The following TPM1 variants were observed in gnomAD, a reference collection of about 807,000 sequenced individuals.
TPM1 encodes tropomyosin 1, also known as tropomyosin alpha-1 chain.
A neutral mutation model predicts 42.9 loss-of-function variants in TPM1; 24 were observed. The ratio of observed to expected loss-of-function variants is 0.56; its 90% CI spans 0.41 to 0.79. TPM1 has a LOEUF of 0.79. Ranked by LOEUF, TPM1 falls within the 30% of genes least tolerant of loss-of-function variation. TPM1 has a pLI of 0.00. For missense variants in TPM1, 158 were observed against 351.8 expected, an observed-to-expected ratio of 0.45 and a Z score of 4.41; for synonymous variants, 136 against 130.1, an observed-to-expected ratio of 1.05 and a Z score of -0.31.
At chr15:63,069,300 CAG>C (rs1030673809), downstream of TPM1, among the ~76,000 whole-genome samples, 2 of 152,124 alleles carry the variant, frequency 1.3e-5, no homozygotes, top group African/African-American at 4.8e-5. Flanking sequence ...GGGGGAAGGA[CAG>C]AGACTTAATT....
intron 8 of TPM1, chr15:63,062,859 G>A (rs1369881568): frequency 6.6e-7 from 1 of 1,522,324 alleles, no homozygotes; most frequent in Non-Finnish European, 8.8e-7. Context: ...AGCCATAGTG[G>A]CAAATGCCAT....
downstream of TPM1, chr15:63,069,767 G>A (rs540862491): frequency 1.4e-5 from 20 of 1,449,056 alleles, no homozygotes; most frequent in East Asian, 4.1e-4. Flanking sequence ...TTGCTGTCCT[G>A]CTTGAGGTCT....
At chr15:63,046,573 A>G (rs565823444) in intron 2 of TPM1, 1 of 152,544 alleles carries the variant, frequency 6.6e-6, no homozygotes, top group East Asian at 1.9e-4. Flanking sequence ...ATTCAGGAGT[A>G]GTATCCCTGA....
intron 2 of TPM1, chr15:63,048,728 C>A: frequency 6.5e-7 from 1 of 1,530,908 alleles, no homozygotes; most frequent in East Asian, 2.5e-5. Context: ...CACCCATCAC[C>A]CCGCAGCCCC....
chr15:63,065,183 T>C, intron 9 of TPM1: 1 of 985,592 alleles, frequency 1.0e-6, no homozygotes, highest in Non-Finnish European at 1.2e-6. Flanking sequence ...GTAGGTAGTC[T>C]TGTTATCATG....
chr15:63,063,865 C>A, intron 8 of TPM1, 199 bp from the exon 9 acceptor site: 1 of 627,200 alleles, frequency 1.6e-6, no homozygotes, highest in Non-Finnish European at 2.7e-6. Flanking sequence ...GGGTTTTGTT[C>A]TCTTTGTTTT....
chr15:63,045,172 T>C (rs1246905440), intron 2 of TPM1: 5 of 152,074 alleles, frequency 3.3e-5, no homozygotes, highest in Non-Finnish European at 5.9e-5. Context: ...CAGCAGACTT[T>C]TTTATATGAA....
chr15:63,066,026 G>C lies in TPM1; in HGVS notation c.*127G>C. 1.3e-6 allele frequency: 2 copies of C among 1,550,282 alleles called. No individual in the cohort carries two copies. Among genetic ancestry groups the C allele is most frequent in the Non-Finnish European group, 1.7e-6 (2 of 1,148,640 alleles). On this transcript the variant is annotated 3_prime_UTR_variant, in exon 10 of 10. Transcript: ENST00000403994. ...TCTTAGCATCCTGCCTTAGAGCCAG[G>C]CACACACTGTGCTTTCTATTGTACA...
chr15:63,064,904 T>C (rs928579355), intron 9 of TPM1: 4 of 763,334 alleles, frequency 5.2e-6, no homozygotes, highest in Non-Finnish European at 6.4e-6. Context: ...GAGGTGGAGC[T>C]TGCAGTCAGC....
intron 2 of TPM1, chr15:63,048,646 C>A (rs1384631718): frequency 2.6e-6 from 4 of 1,538,708 alleles, no homozygotes; most frequent in Non-Finnish European, 3.5e-6. Context: ...GCGGACGCCG[C>A]TGAGGAGCGC....
In TPM1 at chr15:63,062,148, T is replaced by C; in HGVS notation, c.640-67T>C. 4.8e-6 allele frequency: 7 copies of C among 1,471,372 alleles called. 1 individual carries two copies. In the South Asian group the frequency reaches 7.9e-5, roughly 17 times the overall value. The allele number at this position is 1,471,372 out of a possible 1,614,324, so 91.1% of individuals were successfully genotyped here. A position where few individuals can be genotyped will look rare whatever the true frequency, so the allele number is the denominator to read the frequency against. On this transcript the variant is annotated intron_variant, in intron 6 of 9. Transcript: ENST00000403994. ...ATCTGTTGGCTGAGCTGGCGAGTTC[T>C]TTGCATGAGAAGCCATGAGTAGATT...
chr15:63,059,181 A>G (rs2035250593), intron 3 of TPM1, among the ~76,000 whole-genome samples: 1 of 152,242 alleles, frequency 6.6e-6, no homozygotes, highest in African/African-American at 2.4e-5. Context: ...GTTCATGTGC[A>G]AGCTGAGGCT....
Position 63,065,988 on chromosome 15 carries a change from C to T in TPM1, c.*89C>T. On this transcript the variant is annotated 3_prime_UTR_variant, in exon 10 of 10. Transcript: ENST00000403994. ...CTGCATTTGTCTATTCTCCAGCTGACCCTGGTTCTCTCTCTTAGCATCCTG... is the reference window on the plus strand; with the variant it reads ...CTGCATTTGTCTATTCTCCAGCTGATCCTGGTTCTCTCTCTTAGCATCCTG... The T allele has an allele frequency of 1.3e-6, 2 of 1,572,658 alleles. No homozygotes were observed. Among genetic ancestry groups the T allele is most frequent in the Non-Finnish European group, 1.7e-6 (2 of 1,158,370 alleles).
rs1368991319 is a variant in TPM1 at position 63,062,254 on chromosome 15, G to A, written c.679G>A (p.Val227Ile). 1 of 1,614,110 alleles carries A rather than the reference G, an allele frequency of 6.2e-7. No homozygotes were observed. Among genetic ancestry groups the A allele is most frequent in the Non-Finnish European group, 8.5e-7 (1 of 1,180,002 alleles). Residue 227 changes from valine to isoleucine, a missense_variant, in exon 7 of 10, where the codon GTC becomes ATC. Val to Ile is a conservative substitution (Grantham distance 29). Transcript: ENST00000403994. ...KEDRYEEEIK[V>I]LSDKLKEAET... ...AGACAGATATGAGGAAGAGATCAAG[G>A]TCCTTTCCGACAAGCTGAAGGAGGT...
chr15:63,061,832 C>G, intron 6 of TPM1, 44 bp downstream of exon 6: 2 of 1,567,352 alleles, frequency 1.3e-6, no homozygotes, highest in Non-Finnish European at 1.8e-6. Context: ...CTTTTAAGAG[C>G]TGCTCAAAAG....
At chr15:63,043,946 G>C in intron 1 of TPM1, 81 bp from the exon 2 acceptor site, 2 of 1,564,564 alleles carry the variant, frequency 1.3e-6, no homozygotes, top group Non-Finnish European at 1.7e-6. Context: ...TTCTGGTTCT[G>C]TGCACCCACA....
At chr15:63,060,751 A>T in intron 4 of TPM1, 118 bp from the exon 5 acceptor site, 1 of 1,093,454 alleles carries the variant, frequency 9.1e-7, no homozygotes, top group Non-Finnish European at 1.4e-6. Context: ...AAAGAGGATC[A>T]TATTGTTTGT....
intron 8 of TPM1, 92 bp downstream of exon 8, chr15:63,062,737 T>TA (rs1284144109): frequency 1.9e-6 from 3 of 1,602,562 alleles, no homozygotes; most frequent in East Asian, 2.3e-5. Context: ...TCCACATTGA[T>TA]ACGCTCCTTT....
At chr15:63,063,302 C>G in intron 8 of TPM1, 1 of 985,398 alleles carries the variant, frequency 1.0e-6, no homozygotes, top group Non-Finnish European at 1.2e-6. Flanking sequence ...AGAGAAGGAA[C>G]TAGTGTTTGG....
Sources: allele counts gnomAD v4.1 joint callset (sites outside exome capture counted in the v4.1 genomes callset), GRCh38; gene constraint gnomAD v4.1.1; transcripts MANE v1.5; gene names NCBI Gene and HGNC (gene_info 2026-07-23, HGNC 2026-07-21).